GLIS3: variants seen among roughly 807,000 people sequenced by gnomAD.
The protein encoded by GLIS3 is zinc finger protein GLIS3.
GLIS3 carries 53 observed loss-of-function variants against 78.6 expected under a neutral mutation model. That is an observed-to-expected ratio of 0.67 (90% CI 0.54 to 0.85). The LOEUF (loss-of-function observed/expected upper bound fraction) is 0.85. GLIS3 is among the 40% of genes least tolerant of loss of function. The probability of loss-of-function intolerance (pLI) is 0.00; values close to 1 mark genes in which losing one functional copy is unlikely to be tolerated. For synonymous variants in GLIS3, 684 were observed against 509.9 expected, an observed-to-expected ratio of 1.34 and a Z score of -4.60; for missense variants, 1,703 against 1,231.1, an observed-to-expected ratio of 1.38 and a Z score of -5.74.
intron 4 of GLIS3, among the ~76,000 whole-genome samples, chr9:4,014,713 A>G: frequency 1.3e-5 from 2 of 152,158 alleles, no homozygotes; most frequent in Non-Finnish European, 2.9e-5. Context: ...AAGCCACCCA[A>G]TTTGGGGTAC....
At chr9:4,390,131 C>T in the GLIS3 span, among the ~76,000 whole-genome samples, 1 of 152,208 alleles carries the variant, frequency 6.6e-6, no homozygotes, top group Admixed American at 6.5e-5. Context: ...GTATAGATGC[C>T]TGAAAGATCA....
At chr9:4,063,296 T>A (rs1826810433) in intron 4 of GLIS3, among the ~76,000 whole-genome samples, 1 of 152,126 alleles carries the variant, frequency 6.6e-6, no homozygotes, top group South Asian at 2.1e-4. Flanking sequence ...GATAACTCAA[T>A]ATGGAAGAGA....
chr9:3,956,402 G>C (rs1817115527), intron 4 of GLIS3, among the ~76,000 whole-genome samples: 1 of 152,190 alleles, frequency 6.6e-6, no homozygotes, highest in Admixed American at 6.5e-5. Flanking sequence ...GTCCTGGACA[G>C]AAGCCTTCAG....
rs557751705 is a variant in GLIS3, at chr9:4,069,849, A to G, written c.1710+47919T>C. 4.7e-4 allele frequency among the ~76,000 whole-genome samples: 72 copies of G among 152,134 alleles called. 1 individual carries two copies. The highest frequency in any genetic ancestry group is 1.7e-3 in the African/African-American group (70 of 41,536). ...TAGAAGAAAAACTAACTCCAAGGACACTATGCCTTCTCCAGCTTGAGGTGT... is the reference window on the plus strand; with the variant it reads ...TAGAAGAAAAACTAACTCCAAGGACGCTATGCCTTCTCCAGCTTGAGGTGT... On this transcript the variant is annotated intron_variant, in intron 4 of 10. Transcript: ENST00000381971.
intron 2 of GLIS3, among the ~76,000 whole-genome samples, chr9:4,329,934 T>C (rs1026541400): frequency 6.6e-6 from 1 of 152,142 alleles, no homozygotes; most frequent in East Asian, 1.9e-4. Context: ...AGCATGATAT[T>C]ATATTTATTT....
At chr9:4,230,849 C>T (rs1051283916) in intron 2 of GLIS3, among the ~76,000 whole-genome samples, 3 of 152,186 alleles carry the variant, frequency 2.0e-5, no homozygotes, top group East Asian at 1.9e-4. Flanking sequence ...AATCCCCCAT[C>T]CAATTATAAA....
chr9:4,270,927 G>C (rs912106808), intron 2 of GLIS3, among the ~76,000 whole-genome samples: 4 of 83,332 alleles, frequency 4.8e-5, no homozygotes, highest in African/African-American at 1.5e-4. Context: ...GTGTGTGTGT[G>C]TGTGTGTATA....
At chr9:3,832,671 A>T (rs994410419) in intron 9 of GLIS3, among the ~76,000 whole-genome samples, 3 of 152,192 alleles carry the variant, frequency 2.0e-5, no homozygotes, top group African/African-American at 7.2e-5. Flanking sequence ...CATCAGGAGG[A>T]AAACGTTAGC....
intron 4 of GLIS3, among the ~76,000 whole-genome samples, chr9:4,041,160 T>G (rs1343848296): frequency 6.6e-6 from 1 of 152,220 alleles, no homozygotes; most frequent in Non-Finnish European, 1.5e-5. Context: ...CAAATATGAC[T>G]GCACATGGGA....
chr9:4,055,079 G>T (rs1334793372), intron 4 of GLIS3, among the ~76,000 whole-genome samples: 1 of 152,184 alleles, frequency 6.6e-6, no homozygotes, highest in African/African-American at 2.4e-5. Context: ...TGGGTAAGGG[G>T]AGAATGAAAG....
the GLIS3 span, among the ~76,000 whole-genome samples, chr9:4,385,323 T>G: frequency 6.6e-6 from 1 of 152,122 alleles, no homozygotes; most frequent in African/African-American, 2.4e-5. Flanking sequence ...CCAAGCAATA[T>G]AGATGTTAGA....
intron 1 of GLIS3, among the ~76,000 whole-genome samples, chr9:4,296,698 C>G (rs1049034895): frequency 2.0e-5 from 3 of 152,054 alleles, no homozygotes; most frequent in African/African-American, 7.2e-5. Flanking sequence ...TCAAGGATTA[C>G]TGAGTCTTCT....
chr9:4,108,947 A>G (rs774323608), intron 4 of GLIS3, among the ~76,000 whole-genome samples: 23 of 152,190 alleles, frequency 1.5e-4, no homozygotes, highest in South Asian at 2.1e-4. Context: ...TGCCAGAGAA[A>G]GAAGCTCAAG....
intron 2 of GLIS3, among the ~76,000 whole-genome samples, chr9:4,332,364 C>T (rs1817699086): frequency 6.6e-6 from 1 of 152,198 alleles, no homozygotes; most frequent in Admixed American, 6.5e-5. Flanking sequence ...GTGACAGAAG[C>T]ACCCAAGCTT....
rs1055150101 is a variant in GLIS3 at position 4,330,480 on chromosome 9, A to G, written n.264+16601T>C. On this transcript the variant is annotated intron_variant and non_coding_transcript_variant, in intron 2 of 4. Transcript: ENST00000471664. ...TAGTTAATTAAAAAGCGAAAGACCCAGTCAGTCAAAGATCCCAGAGAAATT... is the reference window on the plus strand; with the variant it reads ...TAGTTAATTAAAAAGCGAAAGACCCGGTCAGTCAAAGATCCCAGAGAAATT... Among the ~76,000 whole-genome samples, 8 of 152,260 alleles carry G rather than the reference A, an allele frequency of 5.3e-5. No individual in the cohort carries two copies. The South Asian group carries it at 6.2e-4, about 12-fold the overall frequency.
chr9:3,837,541 G>C (rs1027835923), intron 9 of GLIS3, among the ~76,000 whole-genome samples: 1 of 152,108 alleles, frequency 6.6e-6, no homozygotes, highest in Non-Finnish European at 1.5e-5. Flanking sequence ...GTAGGCAAAC[G>C]AATAAATAAA....
the GLIS3 span, among the ~76,000 whole-genome samples, chr9:4,355,598 G>A: frequency 6.6e-6 from 1 of 152,104 alleles, no homozygotes; most frequent in Non-Finnish European, 1.5e-5. Context: ...AAGAGGGGAA[G>A]GAGGAGTCAA....
chr9:4,359,860 G>C, the GLIS3 span, among the ~76,000 whole-genome samples: 6 of 151,838 alleles, frequency 4.0e-5, no homozygotes, highest in African/African-American at 1.5e-4. Context: ...ACCAATATAT[G>C]TATTCTTCCT....
chr9:4,089,218 T>C (rs1416200842), intron 4 of GLIS3, among the ~76,000 whole-genome samples: 3 of 152,238 alleles, frequency 2.0e-5, no homozygotes, highest in Admixed American at 2.0e-4. Flanking sequence ...GATGCACTGA[T>C]CCATTGTATA....
Sources: allele counts gnomAD v4.1 joint callset (sites outside exome capture counted in the v4.1 genomes callset), GRCh38; gene constraint gnomAD v4.1.1; transcripts MANE v1.5; gene names NCBI Gene and HGNC (gene_info 2026-07-23, HGNC 2026-07-21).